The following REPS2 variants were observed in gnomAD, a reference collection of about 807,000 sequenced individuals.
REPS2 encodes ralBP1-associated Eps domain-containing protein 2.
In REPS2, 23 loss-of-function variants were observed where a neutral mutation model predicts 53.6. That is an observed-to-expected ratio of 0.43 (90% confidence interval 0.31 to 0.61). The LOEUF is 0.61. Ranked by LOEUF, REPS2 falls within the 20% of genes least tolerant of loss-of-function variation. REPS2 has a pLI of 0.11. For missense variants in REPS2, 446 were observed against 534.9 expected (o/e 0.83, Z 1.64); for synonymous variants, 238 against 218.6 (o/e 1.09, Z -0.78).
chrX:16,958,602 T>G (rs2060624946), intron 1 of REPS2, among the ~76,000 whole-genome samples: 1 of 111,712 alleles, frequency 9.0e-6, no homozygotes, highest in Admixed American at 9.5e-5. Flanking sequence ...GGAACAATAG[T>G]CATGAAAGAA....
At chrX:17,088,757 G>A (rs1413988191) in intron 13 of REPS2, among the ~76,000 whole-genome samples, 2 of 109,367 alleles carry the variant, frequency 1.8e-5, no homozygotes, top group Non-Finnish European at 3.8e-5. Context: ...CTAATTTTTT[G>A]TATTTTTAGT....
intron 13 of REPS2, among the ~76,000 whole-genome samples, chrX:17,091,005 G>A (rs1445970374): frequency 1.8e-5 from 2 of 111,698 alleles, no homozygotes; most frequent in African/African-American, 6.5e-5. Flanking sequence ...TGTTGCCTTG[G>A]CACCTTTGTT....
At chrX:17,184,197 G>A in the REPS2 span, among the ~76,000 whole-genome samples, 2 of 60,831 alleles carry the variant, frequency 3.3e-5, no homozygotes, top group Non-Finnish European at 5.9e-5. Flanking sequence ...CCCCACAACA[G>A]TCCCCAGAGT....
At chrX:17,141,732 A>G (rs779456166) in intron 17 of REPS2, among the ~76,000 whole-genome samples, 17 of 112,308 alleles carry the variant, frequency 1.5e-4, no homozygotes, top group Non-Finnish European at 5.6e-5. Flanking sequence ...TATAGTTTTT[A>G]TCATCTCCTT....
the REPS2 span, among the ~76,000 whole-genome samples, chrX:17,183,254 G>A: frequency 8.9e-6 from 1 of 111,942 alleles, no homozygotes; most frequent in Non-Finnish European, 1.9e-5. Flanking sequence ...TGTTTTATCC[G>A]CTTTAGTAAG....
chrX:17,172,550 C>A, the REPS2 span, among the ~76,000 whole-genome samples: 6 of 111,898 alleles, frequency 5.4e-5, no homozygotes, highest in African/African-American at 2.0e-4. Flanking sequence ...AACTTCTTTT[C>A]TTTATAAATT....
At chrX:17,050,158 C>CT (rs1216256664) in intron 6 of REPS2, among the ~76,000 whole-genome samples, 3 of 38,971 alleles carry the variant, frequency 7.7e-5, no homozygotes, top group African/African-American at 4.1e-4. Context: ...TTCTTTCTTT[C>CT]TTTCTTTCTT....
chrX:17,164,019 T>C, the REPS2 span, among the ~76,000 whole-genome samples: 17 of 112,375 alleles, frequency 1.5e-4, no homozygotes, highest in Middle Eastern at 4.7e-3. Context: ...TATATAAAGA[T>C]GTAATTTGTA....
At chrX:17,068,266 A>G in intron 9 of REPS2, 136 bp from the exon 10 acceptor site, 1 of 365,224 alleles carries the variant, frequency 2.7e-6, no homozygotes, top group East Asian at 5.2e-5. Flanking sequence ...GTGAGCCGAG[A>G]TCGCGCCACT....
At chrX:17,046,925 G>A (rs1417874165) in intron 5 of REPS2, among the ~76,000 whole-genome samples, 2 of 112,259 alleles carry the variant, frequency 1.8e-5, no homozygotes, top group African/African-American at 3.2e-5. Context: ...AACGGCAACA[G>A]TAAAAAAGAT....
intron 8 of REPS2, among the ~76,000 whole-genome samples, chrX:17,058,135 A>G (rs761300993): frequency 2.7e-5 from 3 of 111,568 alleles, no homozygotes; most frequent in Non-Finnish European, 5.6e-5. Context: ...TAGGTGTCCA[A>G]GTGTTTCACA....
chrX:17,097,782 TG>T (rs1290327377), intron 13 of REPS2, among the ~76,000 whole-genome samples: 1 of 111,850 alleles, frequency 8.9e-6, no homozygotes, highest in Non-Finnish European at 1.9e-5. Flanking sequence ...GACACCATTA[TG>T]CTAATAAATT....
chrX:17,054,836 G>T lies in REPS2; in HGVS notation c.1000G>T (p.Ala334Ser). Residue 334 changes from alanine (A) to serine (S), a missense_variant, in exon 8 of 18, where the codon GCC becomes TCC. Physicochemically the swap from Ala to Ser is moderately conservative, Grantham distance 99. Transcript: ENST00000357277. ...WELSDADCDG[A>S]LTLPEFCAAF... ...GCTTAGTGATGCTGACTGTGATGGAGCCCTGACCCTGCCTGAGTTCTGTGC... is the reference window on the plus strand; with the variant it reads ...GCTTAGTGATGCTGACTGTGATGGATCCCTGACCCTGCCTGAGTTCTGTGC... 1 of 1,211,233 alleles carries T rather than the reference G, an allele frequency of 8.3e-7. No homozygotes were observed. The highest frequency in any genetic ancestry group is 1.1e-6 in the Non-Finnish European group (1 of 895,211).
intron 13 of REPS2, among the ~76,000 whole-genome samples, chrX:17,081,277 A>C: frequency 8.9e-6 from 1 of 111,789 alleles, no homozygotes; most frequent in East Asian, 2.8e-4. Flanking sequence ...GAGAAGATGC[A>C]AAGAAAAATG....
At chrX:17,050,316 A>G (rs1481855784) in intron 6 of REPS2, among the ~76,000 whole-genome samples, 1 of 100,875 alleles carries the variant, frequency 9.9e-6, no homozygotes, top group Non-Finnish European at 2.0e-5. Flanking sequence ...CAGCCTCCCT[A>G]GTAGCTGGGA....
At chrX:17,139,106 A>G in intron 17 of REPS2, 145 bp downstream of exon 17, 1 of 369,701 alleles carries the variant, frequency 2.7e-6, no homozygotes, top group Non-Finnish European at 4.6e-6. Context: ...ATGTACAGTG[A>G]TCTGATGTGT....
At chrX:17,035,601 G>A (rs367720727) in intron 5 of REPS2, among the ~76,000 whole-genome samples, 5 of 110,941 alleles carry the variant, frequency 4.5e-5, no homozygotes, top group African/African-American at 1.6e-4. Context: ...TCATACGAAC[G>A]TGTGTGAGCT....
At chrX:17,143,297 A>G (rs2063470950) in intron 17 of REPS2, among the ~76,000 whole-genome samples, 1 of 112,225 alleles carries the variant, frequency 8.9e-6, no homozygotes, top group Non-Finnish European at 1.9e-5. Context: ...GATAATTTTA[A>G]AAAGTTATTT....
chrX:17,173,777 C>T, the REPS2 span, among the ~76,000 whole-genome samples: 1 of 111,917 alleles, frequency 8.9e-6, no homozygotes, highest in East Asian at 2.8e-4. Context: ...CCCTATTACC[C>T]TTGTGGTTCA....
Sources: gnomAD v4.1 joint callset for allele counts (sites outside exome capture counted in the v4.1 genomes callset) on GRCh38, gnomAD v4.1.1 for gene constraint, MANE v1.5 for transcripts, NCBI Gene and HGNC (gene_info 2026-07-23, HGNC 2026-07-21) for gene names.